Variants in RNFT2 observed in about 807,000 individuals in gnomAD.
RNFT2 encodes ring finger protein, transmembrane 2.
RNFT2 carries 36 observed loss-of-function variants against 53.0 expected under a neutral mutation model. The ratio of observed to expected loss-of-function variants is 0.68; its 90% CI spans 0.52 to 0.90. The LOEUF (loss-of-function observed/expected upper bound fraction) is 0.90. Among genes scored for constraint, RNFT2 ranks in the 40% least tolerant of loss-of-function variants. The pLI is 0.00. For missense variants in RNFT2, 514 were observed against 585.6 expected (o/e 0.88, Z 1.26); for synonymous variants, 260 against 253.2 (o/e 1.03, Z -0.26).
intron 3 of RNFT2, among the ~76,000 whole-genome samples, chr12:116,745,531 G>T (rs890930328): frequency 6.6e-6 from 1 of 152,062 alleles, no homozygotes; most frequent in Non-Finnish European, 1.5e-5. Context: ...AAAGTGCTGG[G>T]ATTATAGGCA....
At chr12:116,806,377 AAAAAATAT>A (rs1344351014) in intron 7 of RNFT2, among the ~76,000 whole-genome samples, 2 of 127,114 alleles carry the variant, frequency 1.6e-5, no homozygotes, top group South Asian at 2.4e-4. Context: ...CAAAAAAAAA[AAAAAATAT>A]ATATATATAT....
In RNFT2 at chr12:116,750,075, C is replaced by T; in HGVS notation, c.318C>T (p.Ala106=). 1 of 1,546,658 alleles carries T rather than the reference C, an allele frequency of 6.5e-7. No individual in the cohort carries two copies. Among genetic ancestry groups the T allele is most frequent in the Non-Finnish European group, 8.7e-7 (1 of 1,149,808 alleles). ...EEGGGRGEGG[A]YHHRQPHHHF... ...GAGGGGGCCGGGGCGAGGGGGGCGC[C>T]TACCACCACCGCCAGCCCCACCACC... The change falls in exon 4 of 11, where the codon GCC becomes GCT. Residue 106 remains alanine, a synonymous_variant. Transcript: ENST00000257575.
At chr12:116,793,210 CTTTT>C (rs35482097) in intron 7 of RNFT2, among the ~76,000 whole-genome samples, 2 of 120,772 alleles carry the variant, frequency 1.7e-5, no homozygotes, top group East Asian at 2.4e-4. Context: ...ATCCAGATAG[CTTTT>C]TTTTTTTTTT....
rs1878005379 is a variant in RNFT2, at chr12:116,853,087, T to C, written c.*3639T>C. ...GTCCCATCTGAGGTTTTCTTCTCGG[T>C]GGGGGGATTTAACTTCTGTCCTAGG... is the stretch of plus-strand genomic sequence containing the variant. On this transcript the variant is annotated 3_prime_UTR_variant, in exon 11 of 11. Coordinates refer to ENST00000257575, the MANE Select transcript of RNFT2 (RefSeq NM_001382266.1). 4 of 424,232 alleles carry C rather than the reference T, an allele frequency of 9.4e-6. No homozygotes were observed. The highest frequency in any genetic ancestry group is 8.1e-5 in the Admixed American group (2 of 24,716). The allele number at this position is 424,232 out of a possible 1,614,324, so 26.3% of individuals were successfully genotyped here.
intron 5 of RNFT2, among the ~76,000 whole-genome samples, chr12:116,762,686 A>G (rs1246157081): frequency 6.6e-6 from 1 of 151,086 alleles, no homozygotes. Flanking sequence ...TAGCGAGATT[A>G]CAGGTGTGCA....
At chr12:116,738,967 G>A (rs944134633) in intron 1 of RNFT2, among the ~76,000 whole-genome samples, 2 of 152,142 alleles carry the variant, frequency 1.3e-5, no homozygotes, top group African/African-American at 4.8e-5. Flanking sequence ...CTTGATATAT[G>A]AAGATGCTGC....
intron 4 of RNFT2, among the ~76,000 whole-genome samples, chr12:116,752,116 G>A (rs764779974): frequency 6.6e-6 from 1 of 152,010 alleles, no homozygotes; most frequent in Admixed American, 6.5e-5. Context: ...TTGTGAGGCC[G>A]AGGCAGGAGG....
chr12:116,842,659 T>C (rs893609729), intron 10 of RNFT2, among the ~76,000 whole-genome samples: 3 of 152,242 alleles, frequency 2.0e-5, no homozygotes, highest in Admixed American at 6.5e-5. Context: ...CTGCAACCTC[T>C]GCCTCCCGAG....
intron 3 of RNFT2, among the ~76,000 whole-genome samples, chr12:116,746,605 C>G (rs756224776): frequency 6.6e-6 from 1 of 151,986 alleles, no homozygotes. Context: ...GGGAGACATC[C>G]GGTGAAGGTG....
At chr12:116,759,163 A>G (rs1872603826) in intron 5 of RNFT2, among the ~76,000 whole-genome samples, 1 of 152,164 alleles carries the variant, frequency 6.6e-6, no homozygotes, top group Non-Finnish European at 1.5e-5. Context: ...GAGACTTTCC[A>G]GAGCATTTCG....
In RNFT2 at chr12:116,750,049, G is replaced by C; in HGVS notation, c.292G>C (p.Gly98Arg). The change falls in exon 4 of 11, where the codon GGA becomes CGA. Residue 98 changes from glycine to arginine, a missense_variant. By Grantham distance (125) the Gly-to-Arg change is moderately radical. Around this residue, in one of 3 missense-constraint regions of RNFT2, gnomAD observed 237 missense variants for 235.1 expected, o/e 1.01. Transcript: ENST00000257575. ...FIQMPASREEGGGRGEGGAYH... is the reference protein window; with the variant it reads ...FIQMPASREERGGRGEGGAYH... ...CCAGATGCCCGCGTCCAGGGAGGAA[G>C]GAGGGGGCCGGGGCGAGGGGGGCGC... 1 of 1,550,418 alleles carries C rather than the reference G, an allele frequency of 6.4e-7. No homozygotes were observed. Among genetic ancestry groups the C allele is most frequent in the Non-Finnish European group, 8.7e-7 (1 of 1,149,196 alleles).
intron 3 of RNFT2, among the ~76,000 whole-genome samples, chr12:116,749,159 C>T (rs947032478): frequency 6.6e-6 from 1 of 152,132 alleles, no homozygotes; most frequent in Non-Finnish European, 1.5e-5. Flanking sequence ...AGGCTGAGAT[C>T]AGGGTATCAG....
chr12:116,807,390 G>A (rs1184846360), intron 7 of RNFT2, among the ~76,000 whole-genome samples: 1 of 152,076 alleles, frequency 6.6e-6, no homozygotes, highest in Non-Finnish European at 1.5e-5. Flanking sequence ...AATATCCAGT[G>A]TCCCTAGTAC....
At chr12:116,849,189 A>G (rs897121387) in intron 10 of RNFT2, 125 bp from the exon 11 acceptor site, 9 of 673,846 alleles carry the variant, frequency 1.3e-5, no homozygotes, top group African/African-American at 1.3e-4. Flanking sequence ...TGTCTCCCCA[A>G]CGCGAGTGCA....
At chr12:116,790,442 A>G (rs1189872894) in intron 7 of RNFT2, among the ~76,000 whole-genome samples, 3 of 152,196 alleles carry the variant, frequency 2.0e-5, no homozygotes, top group East Asian at 3.8e-4. Flanking sequence ...GATGCTGTTG[A>G]TATCTCTTTT....
At chr12:116,826,398 G>A (rs1048236632) in intron 7 of RNFT2, among the ~76,000 whole-genome samples, 4 of 152,186 alleles carry the variant, frequency 2.6e-5, no homozygotes, top group South Asian at 2.1e-4. Flanking sequence ...GCAGGGAGGC[G>A]AGACAGCTCA....
intron 7 of RNFT2, among the ~76,000 whole-genome samples, chr12:116,817,097 C>A (rs1875724774): frequency 6.6e-6 from 1 of 152,182 alleles, no homozygotes; most frequent in African/African-American, 2.4e-5. Flanking sequence ...ACCGCAACCT[C>A]CACCTTCTGG....
chr12:116,838,332 T>C (rs1877083509), intron 10 of RNFT2, among the ~76,000 whole-genome samples: 1 of 152,208 alleles, frequency 6.6e-6, no homozygotes, highest in South Asian at 2.1e-4. Context: ...TCCTGGCACG[T>C]GGTCAGGGTT....
chr12:116,758,031 A>G (rs1323281712), intron 5 of RNFT2, among the ~76,000 whole-genome samples: 1 of 152,180 alleles, frequency 6.6e-6, no homozygotes, highest in Non-Finnish European at 1.5e-5. Context: ...TATATTTAGA[A>G]TTGTGATATT....
Sources: allele counts gnomAD v4.1 joint callset (sites outside exome capture counted in the v4.1 genomes callset), GRCh38; gene constraint gnomAD v4.1.1; regional missense constraint gnomAD v4.1.1; transcripts MANE v1.5; gene names NCBI Gene and HGNC (gene_info 2026-07-23, HGNC 2026-07-21).